Variants in BLM observed in about 807,000 individuals in gnomAD.
The protein encoded by BLM is BLM RecQ like helicase, also known as recQ-like DNA helicase BLM.
A neutral mutation model predicts 135.3 loss-of-function variants in BLM; 95 were observed. That is an observed-to-expected ratio of 0.70 (90% CI 0.59 to 0.83). The LOEUF (loss-of-function observed/expected upper bound fraction) is 0.83. Among genes scored for constraint, BLM ranks in the 40% least tolerant of loss-of-function variants. The probability of loss-of-function intolerance (pLI) is 0.00; values close to 1 mark genes in which losing one functional copy is unlikely to be tolerated. For missense variants in BLM, 1,518 were observed against 1,663.9 expected, an observed-to-expected ratio of 0.91 and a Z score of 1.53; for synonymous variants, 520 against 589.2, an observed-to-expected ratio of 0.88 and a Z score of 1.70.
At chr15:90,777,521 C>T (rs1187811103) in intron 12 of BLM, among the ~76,000 whole-genome samples, 1 of 152,166 alleles carries the variant, frequency 6.6e-6, no homozygotes, top group Non-Finnish European at 1.5e-5. Flanking sequence ...CCAAAAGCAA[C>T]AAGCTGAGCT....
At position 90,747,402 on chromosome 15, in the gene BLM, G is replaced by A. The variant is rs1466614215; in HGVS notation, c.10G>A (p.Val4Ile). Residue 4 changes from valine to isoleucine, a missense_variant, in exon 2 of 22, where the codon GTT becomes ATT. Around this residue, in one of 5 missense-constraint regions of BLM, gnomAD observed 724 missense variants for 756.9 expected, o/e 0.96. Transcript: ENST00000355112. MAAVPQNNLQEQLE... is the reference protein window; with the variant it reads MAAIPQNNLQEQLE... ...CTCACTTTTTAGGATTATGGCTGCT[G>A]TTCCTCAAAATAATCTACAGGAGCA... 6.2e-7 allele frequency: 1 copy of A among 1,608,886 alleles called. No individual in the cohort carries two copies. Among genetic ancestry groups the A allele is most frequent in the Non-Finnish European group, 8.5e-7 (1 of 1,176,866 alleles).
At chr15:90,730,616 T>G (rs1363261514) in intron 1 of BLM, among the ~76,000 whole-genome samples, 1 of 151,820 alleles carries the variant, frequency 6.6e-6, no homozygotes, top group Non-Finnish European at 1.5e-5. Flanking sequence ...CCCAGCTAAT[T>G]TTTGTATTTT....
intron 1 of BLM, among the ~76,000 whole-genome samples, chr15:90,722,993 A>C (rs1352909960): frequency 6.6e-6 from 1 of 152,112 alleles, no homozygotes. Flanking sequence ...GGCGCCTGCC[A>C]CCATGGCTGG....
chr15:90,745,994 C>T (rs1261275360), intron 1 of BLM, among the ~76,000 whole-genome samples: 1 of 152,122 alleles, frequency 6.6e-6, no homozygotes. Context: ...GGGAGGATCA[C>T]TTGAGCCCAA....
chr15:90,742,614 T>G (rs1895395842), intron 1 of BLM, among the ~76,000 whole-genome samples: 1 of 152,104 alleles, frequency 6.6e-6, no homozygotes, highest in Non-Finnish European at 1.5e-5. Flanking sequence ...CTCTTTTTTT[T>G]TTAAAGGTTT....
intron 1 of BLM, among the ~76,000 whole-genome samples, chr15:90,721,624 A>G (rs1179891948): frequency 1.3e-5 from 2 of 151,630 alleles, no homozygotes; most frequent in Non-Finnish European, 2.9e-5. Context: ...CATCCAGCCT[A>G]ATTTTTCTTT....
intron 1 of BLM, among the ~76,000 whole-genome samples, chr15:90,724,601 G>T (rs1894861242): frequency 6.6e-6 from 1 of 152,122 alleles, no homozygotes; most frequent in Non-Finnish European, 1.5e-5. Flanking sequence ...AGCACAAGTG[G>T]TAAGTCCTCC....
chr15:90,814,293 G>A (rs144288944), intron 21 of BLM, among the ~76,000 whole-genome samples: 3 of 152,236 alleles, frequency 2.0e-5, no homozygotes, highest in African/African-American at 7.2e-5. Context: ...GGCTTCTGCG[G>A]GTAATGCTGC....
intron 20 of BLM, among the ~76,000 whole-genome samples, chr15:90,810,027 A>G (rs180949279): frequency 6.6e-6 from 1 of 151,432 alleles, no homozygotes. Context: ...GATGATGGAA[A>G]TGATGAGCAG....
At chr15:90,747,961 C>G (rs1406612996) in intron 2 of BLM, among the ~76,000 whole-genome samples, 1 of 152,040 alleles carries the variant, frequency 6.6e-6, no homozygotes, top group Admixed American at 6.6e-5. Flanking sequence ...GCACCTGCCA[C>G]CACGCCTGGC....
intron 12 of BLM, among the ~76,000 whole-genome samples, chr15:90,778,889 CTT>C (rs60733714): frequency 3.7e-5 from 5 of 134,986 alleles, no homozygotes; most frequent in Admixed American, 7.4e-5. Flanking sequence ...TTAACCCTTT[CTT>C]TTTTTTTTTT....
At position 90,799,626 on chromosome 15, in the gene BLM, T is replaced by TAAA. The variant is rs10600094; in HGVS notation, c.3358+1312_3358+1314dup. On this transcript the variant is annotated intron_variant, in intron 17 of 21. Coordinates refer to ENST00000355112, the MANE Select transcript of BLM (RefSeq NM_000057.4). ...CACTGAATGCCAAATAAGATGCCTG[T>TAAA]AAAAAAAAAAAAAAAAAAAAAAAAA... Among the ~76,000 whole-genome samples, 150 of 108,708 alleles carry TAAA rather than the reference T, an allele frequency of 1.4e-3. 1 individual carries two copies. Among genetic ancestry groups the TAAA allele is most frequent in the African/African-American group, 5.2e-3 (139 of 26,796 alleles). 71.3% of individuals were successfully genotyped at this position (108,708 alleles called of 152,430 possible).
At chr15:90,758,213 C>T (rs1895870358) in intron 5 of BLM, among the ~76,000 whole-genome samples, 1 of 151,564 alleles carries the variant, frequency 6.6e-6, no homozygotes, top group Non-Finnish European at 1.5e-5. Flanking sequence ...AAAGGGCTGG[C>T]ACGGTGGCTC....
At position 90,749,516 on chromosome 15, in the gene BLM, A is replaced by G. The variant is rs377192173; in HGVS notation, c.248A>G (p.Gln83Arg). 1.6e-5 allele frequency: 26 copies of G among 1,614,228 alleles called. No individual in the cohort carries two copies. Among genetic ancestry groups the G allele is most frequent in the Non-Finnish European group, 2.2e-5 (26 of 1,180,040 alleles). The change falls in exon 3 of 22, where the codon CAG becomes CGG. Residue 83 changes from glutamine to arginine, a missense_variant. Gln to Arg is a conservative substitution (Grantham distance 43). Transcript: ENST00000355112. The stretch of plus-strand genomic sequence containing the variant: ...GAACCTCTACCCAACACCACAAATC[A>G]GCAAAGGGTCAAGGACTTCTTTAAA... ...FSEPLPNTTN[Q>R]QRVKDFFKNA... is the part of the protein sequence containing the mutation.
At chr15:90,794,836 A>G (rs1896993093) in intron 16 of BLM, among the ~76,000 whole-genome samples, 1 of 151,312 alleles carries the variant, frequency 6.6e-6, no homozygotes, top group African/African-American at 2.4e-5. Flanking sequence ...AAAGAGTAAT[A>G]ACTAGTGTAC....
chr15:90,789,048 T>G (rs780254760), intron 14 of BLM, among the ~76,000 whole-genome samples: 12,372 of 150,654 alleles, frequency 0.082, 849 homozygotes, highest in African/African-American at 0.19. Context: ...TGGAGATATA[T>G]ATATATATAT....
chr15:90,808,515 C>G (rs1228038405), intron 19 of BLM, among the ~76,000 whole-genome samples: 1 of 152,222 alleles, frequency 6.6e-6, no homozygotes, highest in Non-Finnish European at 1.5e-5. Context: ...TCTACTCTTT[C>G]CTTTACAGTC....
At chr15:90,741,962 G>A (rs992151536) in intron 1 of BLM, among the ~76,000 whole-genome samples, 1 of 152,094 alleles carries the variant, frequency 6.6e-6, no homozygotes, top group Non-Finnish European at 1.5e-5. Flanking sequence ...CATGGTTTGA[G>A]TTTTATTAGG....
chr15:90,787,216 AT>A (rs113898256), intron 14 of BLM, among the ~76,000 whole-genome samples: 66,096 of 149,790 alleles, frequency 0.44, 16,841 homozygotes, highest in African/African-American at 0.72. Flanking sequence ...CGCCCGGCTA[AT>A]TTTTTTTTGT....
Sources: gnomAD v4.1 joint callset for allele counts (sites outside exome capture counted in the v4.1 genomes callset) on GRCh38, gnomAD v4.1.1 for gene constraint, gnomAD v4.1.1 regional missense constraint, MANE v1.5 for transcripts, NCBI Gene and HGNC (gene_info 2026-07-23, HGNC 2026-07-21) for gene names.